CSMD3: variants seen among roughly 807,000 people sequenced by gnomAD.
CSMD3 encodes CUB and sushi domain-containing protein 3.
In CSMD3, 177 loss-of-function variants were observed where a neutral mutation model predicts 435.2. The observed-to-expected ratio is 0.41, with a 90% CI of 0.36 to 0.46. CSMD3 has a LOEUF of 0.46. Ranked by LOEUF, CSMD3 falls within the 20% of genes least tolerant of loss-of-function variation. The pLI, the probability that CSMD3 is intolerant of heterozygous loss-of-function variation, is 0.34. For missense variants in CSMD3, 4,265 were observed against 4,504.6 expected (o/e 0.95, Z 1.52); for synonymous variants, 1,656 against 1,520.5 (o/e 1.09, Z -2.07).
chr8:113,347,910 C>T (rs2094162860), intron 1 of CSMD3, among the ~76,000 whole-genome samples: 1 of 151,708 alleles, frequency 6.6e-6, no homozygotes. Flanking sequence ...TTGGCAAAGG[C>T]GAGATAATTA....
intron 61 of CSMD3, among the ~76,000 whole-genome samples, chr8:112,257,029 C>G (rs1489407628): frequency 6.6e-6 from 1 of 152,122 alleles, no homozygotes; most frequent in Non-Finnish European, 1.5e-5. Flanking sequence ...CCCTGAAATT[C>G]AAGACTACAC....
chr8:113,262,534 T>C (rs72670723), intron 3 of CSMD3, among the ~76,000 whole-genome samples: 15,842 of 152,026 alleles, frequency 0.1, 965 homozygotes, highest in Middle Eastern at 0.17. Flanking sequence ...CAAAAGGTGA[T>C]TGAAGAGTCA....
chr8:113,383,624 C>T (rs970600179), intron 1 of CSMD3, among the ~76,000 whole-genome samples: 7 of 152,110 alleles, frequency 4.6e-5, no homozygotes, highest in African/African-American at 1.4e-4. Context: ...TCAGTGCCTG[C>T]AGATCATCCA....
intron 4 of CSMD3, among the ~76,000 whole-genome samples, chr8:113,122,551 A>C (rs1040720813): frequency 3.9e-5 from 6 of 152,114 alleles, no homozygotes; most frequent in African/African-American, 1.4e-4. Context: ...AGCAGGCCCA[A>C]TCTAATCACA....
intron 3 of CSMD3, among the ~76,000 whole-genome samples, chr8:113,259,616 T>A (rs2093410782): frequency 6.6e-6 from 1 of 152,010 alleles, no homozygotes; most frequent in African/African-American, 2.4e-5. Flanking sequence ...GCCATTCTAA[T>A]ATCTAGAAAT....
chr8:112,624,444 T>G (rs1167706643), intron 22 of CSMD3, among the ~76,000 whole-genome samples: 1 of 152,114 alleles, frequency 6.6e-6, no homozygotes, highest in East Asian at 1.9e-4. Flanking sequence ...TTCAAGTCAT[T>G]ATTACAATTC....
chr8:113,355,316 T>C (rs1210854923), intron 1 of CSMD3, among the ~76,000 whole-genome samples: 1 of 151,984 alleles, frequency 6.6e-6, no homozygotes, highest in East Asian at 1.9e-4. Flanking sequence ...ACAGGTTTTC[T>C]TAGTCAGTTC....
intron 1 of CSMD3, among the ~76,000 whole-genome samples, chr8:113,414,190 T>C (rs2094571517): frequency 6.6e-6 from 1 of 152,212 alleles, no homozygotes; most frequent in African/African-American, 2.4e-5. Context: ...GTATGTAAAA[T>C]GTGGTGTGGC....
intron 35 of CSMD3, among the ~76,000 whole-genome samples, chr8:112,394,286 A>C (rs752386643): frequency 6.6e-6 from 1 of 152,088 alleles, no homozygotes; most frequent in Non-Finnish European, 1.5e-5. Context: ...CTGTGACCAT[A>C]ATCTTCCTAT....
At chr8:113,189,859 A>T (rs188120549) in intron 3 of CSMD3, among the ~76,000 whole-genome samples, 3 of 151,888 alleles carry the variant, frequency 2.0e-5, no homozygotes, top group Admixed American at 2.0e-4. Flanking sequence ...TTTTGCAATC[A>T]TGTTTTGTTT....
intron 13 of CSMD3, among the ~76,000 whole-genome samples, chr8:112,784,737 C>T (rs1449680258): frequency 3.3e-5 from 5 of 151,938 alleles, no homozygotes; most frequent in Admixed American, 2.6e-4. Flanking sequence ...AACCTTAATA[C>T]ACCAATAACA....
chr8:113,038,454 TGAG>T (rs999142746), intron 5 of CSMD3, among the ~76,000 whole-genome samples: 1 of 152,142 alleles, frequency 6.6e-6, no homozygotes, highest in Non-Finnish European at 1.5e-5. Context: ...TTCATGCTAG[TGAG>T]GAGACATCAC....
Position 113,158,182 on chromosome 8 carries a change from C to CAA in CSMD3, c.709+15538_709+15539dup, listed in dbSNP as rs59666468. The stretch of plus-strand genomic sequence containing the variant: ...CTACATTATGCCAACAGTTCCAGAC[C>CAA]AAAAAAAAAAAAAATGTAAAGATGG... On this transcript the variant is annotated intron_variant, in intron 4 of 70. Coordinates refer to ENST00000297405, the MANE Select transcript of CSMD3 (RefSeq NM_198123.2). 1.2e-3 allele frequency among the ~76,000 whole-genome samples: 149 copies of CAA among 122,696 alleles called. 3 individuals are homozygous for CAA. In the East Asian group the frequency reaches 0.032, roughly 26 times the overall value. 80.5% of individuals were successfully genotyped at this position (122,696 alleles called of 152,430 possible).
chr8:113,361,064 T>A (rs183710846), intron 1 of CSMD3, among the ~76,000 whole-genome samples: 1 of 152,204 alleles, frequency 6.6e-6, no homozygotes, highest in African/African-American at 2.4e-5. Flanking sequence ...TATTTTATTT[T>A]AGATGGCATC....
chr8:113,013,217 A>G (rs887798782), intron 6 of CSMD3, among the ~76,000 whole-genome samples: 3 of 152,084 alleles, frequency 2.0e-5, no homozygotes, highest in African/African-American at 7.2e-5. Context: ...TCCAAGAAAA[A>G]GTGTTTTTCC....
At chr8:112,270,819 C>A (rs896824779) in intron 59 of CSMD3, among the ~76,000 whole-genome samples, 1 of 151,830 alleles carries the variant, frequency 6.6e-6, no homozygotes, top group Non-Finnish European at 1.5e-5. Context: ...GATAACTAGC[C>A]AAGGTAAAAA....
At chr8:113,359,195 A>C (rs2094254669) in intron 1 of CSMD3, among the ~76,000 whole-genome samples, 1 of 152,194 alleles carries the variant, frequency 6.6e-6, no homozygotes, top group Admixed American at 6.5e-5. Flanking sequence ...GAAGCAAATC[A>C]AATGTTCCAT....
chr8:112,573,652 A>G lies in CSMD3; in HGVS notation c.3891T>C (p.Tyr1297=), dbSNP rs752183406. 1.2e-6 allele frequency: 2 copies of G among 1,601,028 alleles called. No individual in the cohort carries two copies. The highest frequency in any genetic ancestry group is 1.1e-5 in the South Asian group (1 of 90,710). ...HLAQGDVLKI[Y]DGKDKTTHLL... is the part of the protein sequence containing the mutation. ...GATGAGTCGTTTTATCTTTTCCATC[A>G]TAAATCTGCAAAATATATTTATAAT... The change falls in exon 24 of 71, where the codon TAT becomes TAC. Residue 1297 remains tyrosine (Y), a synonymous_variant. Transcript: ENST00000297405.
chr8:113,379,424 G>T (rs886980947), intron 1 of CSMD3, among the ~76,000 whole-genome samples: 5 of 152,114 alleles, frequency 3.3e-5, no homozygotes, highest in African/African-American at 1.2e-4. Flanking sequence ...AAATTTATTT[G>T]TTCTAGGAAG....
Sources: allele counts gnomAD v4.1 joint callset (sites outside exome capture counted in the v4.1 genomes callset), GRCh38; gene constraint gnomAD v4.1.1; transcripts MANE v1.5; gene names NCBI Gene and HGNC (gene_info 2026-07-23, HGNC 2026-07-21).